Variants in ADGRL2 observed in about 807,000 individuals in gnomAD.
The protein encoded by ADGRL2 is calcium-independent alpha-latrotoxin receptor 2.
Under a neutral mutation model 157.4 loss-of-function variants are expected in ADGRL2, and 44 were observed. That is an observed-to-expected ratio of 0.28 (90% CI 0.22 to 0.36). The LOEUF (loss-of-function observed/expected upper bound fraction) is 0.36. ADGRL2 is among the 10% of genes least tolerant of loss of function. The pLI, the probability that ADGRL2 is intolerant of heterozygous loss-of-function variation, is 1.00. For missense variants in ADGRL2, 1,510 were observed against 1,768.9 expected (o/e 0.85, Z 2.63); for synonymous variants, 585 against 624.7 (o/e 0.94, Z 0.95).
rs187550795 is a variant in ADGRL2 at position 81,988,891 on chromosome 1, G to A, written c.3655+1005G>A. Among the ~76,000 whole-genome samples, 16 of 151,972 alleles carry A rather than the reference G, an allele frequency of 1.1e-4. 1 individual carries two copies. The East Asian group carries it at 3.1e-3, about 29-fold the overall frequency. On this transcript the variant is annotated intron_variant, in intron 23 of 23. Transcript: ENST00000686636. ...TAAATTTTTTCCTAAACTCCTCCAA[G>A]CCTTGCATACAATGCAGCAGCCTCA...
chr1:81,733,838 T>C (rs1331761948), intron 1 of ADGRL2, among the ~76,000 whole-genome samples: 1 of 151,926 alleles, frequency 6.6e-6, no homozygotes, highest in African/African-American at 2.4e-5. Flanking sequence ...GACTTGAAGG[T>C]AGAGGGTGGG....
At chr1:81,403,218 A>T (rs1274349935) in intron 1 of ADGRL2, among the ~76,000 whole-genome samples, 1 of 86,440 alleles carries the variant, frequency 1.2e-5, no homozygotes, top group African/African-American at 3.5e-5. Context: ...TGTACGTAAC[A>T]CTTTTCCTTG....
intron 3 of ADGRL2, among the ~76,000 whole-genome samples, chr1:81,613,056 A>G (rs973336642): frequency 2.0e-5 from 3 of 152,212 alleles, no homozygotes; most frequent in South Asian, 2.1e-4. Context: ...ACAAATTAGT[A>G]TAATAGTATA....
chr1:81,446,032 C>T (rs2077591221), intron 2 of ADGRL2, among the ~76,000 whole-genome samples: 1 of 152,300 alleles, frequency 6.6e-6, no homozygotes, highest in East Asian at 1.9e-4. Flanking sequence ...CTTCCATAGT[C>T]CACAAACTTG....
intron 1 of ADGRL2, among the ~76,000 whole-genome samples, chr1:81,442,208 T>A (rs2077520404): frequency 6.6e-6 from 1 of 152,186 alleles, no homozygotes; most frequent in Non-Finnish European, 1.5e-5. Flanking sequence ...AAAGTCCTTT[T>A]AAAAAAGAAG....
At chr1:81,365,152 A>T (rs1386803448) in intron 1 of ADGRL2, among the ~76,000 whole-genome samples, 1 of 152,186 alleles carries the variant, frequency 6.6e-6, no homozygotes, top group Non-Finnish European at 1.5e-5. Context: ...TCCATCAAAG[A>T]GGAGTCCAAA....
chr1:81,897,885 T>G (rs2094420566), intron 2 of ADGRL2, among the ~76,000 whole-genome samples: 1 of 152,228 alleles, frequency 6.6e-6, no homozygotes, highest in Non-Finnish European at 1.5e-5. Flanking sequence ...AACATTCTTC[T>G]TAGAAAAAAT....
In ADGRL2 at chr1:81,975,991, G is replaced by A. The variant is rs76518776; in HGVS notation, c.3022-3878G>A. On this transcript the variant is annotated intron_variant, in intron 17 of 23. Transcript: ENST00000686636. ...ATTTATTCTATCAAACTAAAATTTAGCATTACATTTTTTTAACATTGGAGA... is the reference window on the plus strand; with the variant it reads ...ATTTATTCTATCAAACTAAAATTTAACATTACATTTTTTTAACATTGGAGA... Among the ~76,000 whole-genome samples, 772 of 152,002 alleles carry A rather than the reference G, an allele frequency of 5.1e-3. 4 individuals are homozygous for A. The highest frequency in any genetic ancestry group is 0.018 in the African/African-American group (735 of 41,498).
At chr1:81,707,668 T>C (rs150622942) in intron 1 of ADGRL2, among the ~76,000 whole-genome samples, 180 of 148,348 alleles carry the variant, frequency 1.2e-3, no homozygotes, top group Admixed American at 2.5e-3. Context: ...GTTGTTGTTG[T>C]TGCATCCACA....
chr1:81,901,614 C>T (rs2094489121), intron 2 of ADGRL2, among the ~76,000 whole-genome samples: 1 of 151,058 alleles, frequency 6.6e-6, no homozygotes, highest in South Asian at 2.1e-4. Context: ...TCCCGTGAGT[C>T]AGTATTCTAG....
At chr1:81,942,154 A>T (rs1648253470) in intron 5 of ADGRL2, 109 bp downstream of exon 5, 4 of 499,410 alleles carry the variant, frequency 8.0e-6, no homozygotes, top group Non-Finnish European at 1.5e-5. Context: ...AATCAGCAGG[A>T]TCTCATAAAT....
chr1:81,749,413 TG>T (rs1278377185), intron 1 of ADGRL2, among the ~76,000 whole-genome samples: 1 of 152,220 alleles, frequency 6.6e-6, no homozygotes, highest in African/African-American at 2.4e-5. Context: ...TCCTTGTTCA[TG>T]TTCTGTTCTC....
intron 1 of ADGRL2, among the ~76,000 whole-genome samples, chr1:81,344,793 A>C (rs1304840570): frequency 6.6e-6 from 1 of 152,126 alleles, no homozygotes; most frequent in African/African-American, 2.4e-5. Flanking sequence ...TAATTTTCCA[A>C]TTTGGCAAAG....
intron 2 of ADGRL2, among the ~76,000 whole-genome samples, chr1:81,569,506 C>T (rs776800234): frequency 5.3e-5 from 8 of 152,134 alleles, no homozygotes; most frequent in African/African-American, 7.2e-5. Context: ...AGGAGATTGT[C>T]GTCAAGATGT....
rs577700568 is a variant in ADGRL2, at chr1:81,882,452, T to C, written c.74-24565T>C. The stretch of plus-strand genomic sequence containing the variant: ...CTGCTTTCTGCAAACTGTGTCCAGA[T>C]AACCAGAGCTGTTTAGCTGGATAAT... On this transcript the variant is annotated intron_variant, in intron 2 of 23. Coordinates refer to ENST00000686636, the MANE Select transcript of ADGRL2 (RefSeq NM_001366006.2). 2.0e-5 allele frequency among the ~76,000 whole-genome samples: 3 copies of C among 152,302 alleles called. No individual in the cohort carries two copies. The East Asian group carries it at 5.8e-4, about 29-fold the overall frequency.
At chr1:81,486,530 A>G (rs1278593302) in intron 2 of ADGRL2, among the ~76,000 whole-genome samples, 1 of 151,830 alleles carries the variant, frequency 6.6e-6, no homozygotes, top group African/African-American at 2.4e-5. Flanking sequence ...TATCTACTAC[A>G]TGTTGATAAA....
chr1:81,516,998 C>G (rs568724320), intron 2 of ADGRL2, among the ~76,000 whole-genome samples: 3 of 152,174 alleles, frequency 2.0e-5, no homozygotes, highest in East Asian at 3.9e-4. Flanking sequence ...ATGCAAGTTA[C>G]TCACTGAAGG....
intron 2 of ADGRL2, among the ~76,000 whole-genome samples, chr1:81,771,420 G>T (rs1161775012): frequency 6.6e-6 from 1 of 152,070 alleles, no homozygotes; most frequent in Admixed American, 6.5e-5. Context: ...AAGTCACAAA[G>T]CCCAGGGCTT....
intron 3 of ADGRL2, among the ~76,000 whole-genome samples, chr1:81,620,792 A>G (rs1259220285): frequency 6.6e-6 from 1 of 152,240 alleles, no homozygotes; most frequent in Non-Finnish European, 1.5e-5. Context: ...TAATATAGAT[A>G]AGAAGATTTT....
Sources: allele counts gnomAD v4.1 joint callset (sites outside exome capture counted in the v4.1 genomes callset), GRCh38; gene constraint gnomAD v4.1.1; transcripts MANE v1.5; gene names NCBI Gene and HGNC (gene_info 2026-07-23, HGNC 2026-07-21).